REV3L: variants seen among roughly 807,000 people sequenced by gnomAD.
REV3L encodes REV3 like, DNA directed polymerase zeta catalytic subunit, also known as DNA polymerase zeta catalytic subunit.
In REV3L, 69 loss-of-function variants were observed where a neutral mutation model predicts 299.4. That is an observed-to-expected ratio of 0.23 (90% confidence interval 0.19 to 0.28). The LOEUF is 0.28. Ranked by LOEUF, REV3L falls within the 10% of genes least tolerant of loss-of-function variation. The pLI, the probability that REV3L is intolerant of heterozygous loss-of-function variation, is 1.00. For missense variants in REV3L, 3,128 were observed against 3,693.8 expected (o/e 0.85, Z 3.97); for synonymous variants, 1,238 against 1,271.4 (o/e 0.97, Z 0.56).
intron 1 of REV3L, among the ~76,000 whole-genome samples, chr6:111,478,235 T>C (rs1047607521): frequency 1.3e-5 from 2 of 152,234 alleles, no homozygotes; most frequent in African/African-American, 2.4e-5. Flanking sequence ...AATCCTTGCT[T>C]TGTCTTATAC....
chr6:111,464,572 G>A (rs1791192440), intron 1 of REV3L, among the ~76,000 whole-genome samples: 1 of 151,998 alleles, frequency 6.6e-6, no homozygotes, highest in Admixed American at 6.6e-5. Flanking sequence ...TAAAAAGACA[G>A]ACTTATATGC....
At chr6:111,312,100 G>C (rs980021780) in intron 28 of REV3L, 6 of 152,244 alleles carry the variant, frequency 3.9e-5, no homozygotes, top group Middle Eastern at 3.4e-3. Flanking sequence ...CACCGTGCCC[G>C]GCCAAGTAGA....
At chr6:111,453,897 A>C (rs13211844) in intron 1 of REV3L, among the ~76,000 whole-genome samples, 8,535 of 152,210 alleles carry the variant, frequency 0.056, 276 homozygotes, top group Middle Eastern at 0.085. Flanking sequence ...GAGGCAAAAG[A>C]ATGGCTTGAA....
chr6:111,419,226 A>C (rs937553735), intron 1 of REV3L, among the ~76,000 whole-genome samples: 2 of 152,214 alleles, frequency 1.3e-5, no homozygotes, highest in Non-Finnish European at 2.9e-5. Context: ...CCTGAAGAAC[A>C]ACCACAACAC....
intron 1 of REV3L, among the ~76,000 whole-genome samples, chr6:111,478,465 T>C (rs1200826518): frequency 1.3e-5 from 2 of 152,170 alleles, no homozygotes; most frequent in East Asian, 1.9e-4. Flanking sequence ...TCTCCAATAA[T>C]TGTAATCAAA....
At chr6:111,388,422 GCACT>G in intron 7 of REV3L, among the ~76,000 whole-genome samples, 1 of 151,886 alleles carries the variant, frequency 6.6e-6, no homozygotes, top group African/African-American at 2.4e-5. Context: ...AGTATAAAAG[GCACT>G]CAAAGTTTAT....
In REV3L at chr6:111,355,574, C is replaced by T. The variant is rs372128621; in HGVS notation, c.7184+1440G>A. On this transcript the variant is annotated intron_variant, in intron 18 of 31. Coordinates refer to ENST00000368802, the MANE Select transcript of REV3L (RefSeq NM_001372078.1). ...ACCCCATTTTCCTTAATTACTAGTACATTTCATTTTATGGACATTTAAGAA... is the reference window on the plus strand; with the variant it reads ...ACCCCATTTTCCTTAATTACTAGTATATTTCATTTTATGGACATTTAAGAA... Among the ~76,000 whole-genome samples, 8 of 152,204 alleles carry T rather than the reference C, an allele frequency of 5.3e-5. No individual in the cohort carries two copies. The South Asian group carries it at 1.0e-3, about 20-fold the overall frequency.
intron 21 of REV3L, among the ~76,000 whole-genome samples, chr6:111,342,312 T>C (rs1776575855): frequency 6.6e-6 from 1 of 151,992 alleles, no homozygotes; most frequent in Non-Finnish European, 1.5e-5. Flanking sequence ...CTGCCAGTGG[T>C]ACAAAGCAGA....
rs756969348 is a variant in REV3L, at chr6:111,372,890, A to T, written c.5465T>A (p.Leu1822His). The T allele has an allele frequency of 6.2e-7, 1 of 1,614,044 alleles. No individual in the cohort carries two copies. The highest frequency in any genetic ancestry group is 1.1e-5 in the South Asian group (1 of 91,078). The change falls in exon 13 of 32, where the codon CTC becomes CAC. Residue 1822 changes from leucine (L) to histidine (H), a missense_variant. Physicochemically the swap from Leu to His is moderately conservative, Grantham distance 99. Around this residue, in one of 9 missense-constraint regions of REV3L, gnomAD observed 2,409 missense variants for 2,611.8 expected, o/e 0.92. Coordinates refer to ENST00000368802, the MANE Select transcript of REV3L (RefSeq NM_001372078.1). ...DSANTSFTAILSSPDGELVDV... is the reference protein window; with the variant it reads ...DSANTSFTAIHSSPDGELVDV... ...TACAAGTTCACCATCAGGGGAGGAG[A>T]GTATTGCAGTAAAAGAGGTATTGGC...
chr6:111,431,818 A>G (rs1459859830), intron 1 of REV3L: 1 of 598,330 alleles, frequency 1.7e-6, no homozygotes, highest in Non-Finnish European at 3.0e-6. Context: ...TTATGTACAT[A>G]CTTTTTCATT....
intron 3 of REV3L, among the ~76,000 whole-genome samples, chr6:111,406,941 G>A (rs534529080): frequency 2.0e-5 from 3 of 152,154 alleles, no homozygotes; most frequent in East Asian, 1.9e-4. Context: ...TCTGTGGTAC[G>A]ATCATCTCCA....
Position 111,367,710 on chromosome 6 carries a change from C to G in REV3L, c.6078G>C (p.Lys2026Asn). 1.2e-6 allele frequency: 2 copies of G among 1,614,150 alleles called. No individual in the cohort carries two copies. The highest frequency in any genetic ancestry group is 1.6e-4 in the Middle Eastern group (1 of 6,062). ...CAGCAGATTTTACAACTCCAGTTGG[C>G]TTGGTTTTAGGCAGTTTCTTGGAAC... ...YERSKKLPKT[K>N]PTGVVKSAEN... The change falls in exon 14 of 32, where the codon AAG becomes AAC. Residue 2026 changes from lysine to asparagine, a missense_variant. This residue lies in a region of REV3L where 2,409 missense variants were observed against 2,611.8 expected (regional missense o/e 0.92). Coordinates refer to ENST00000368802, the MANE Select transcript of REV3L (RefSeq NM_001372078.1).
At chr6:111,355,264 T>C (rs762020666) in intron 18 of REV3L, among the ~76,000 whole-genome samples, 7 of 152,092 alleles carry the variant, frequency 4.6e-5, no homozygotes, top group Non-Finnish European at 7.4e-5. Flanking sequence ...CAGTTAACAT[T>C]TATGTACTCA....
At position 111,309,969 on chromosome 6, in the gene REV3L, G is replaced by T. The variant is rs143815049; in HGVS notation, c.8926C>A (p.Pro2976Thr). 1 of 1,613,870 alleles carries T rather than the reference G, an allele frequency of 6.2e-7. No individual in the cohort carries two copies. Among genetic ancestry groups the T allele is most frequent in the African/African-American group, 1.3e-5 (1 of 74,886 alleles). ...TAAGTAGCATTCAGTCTCAGAGTTG[G>T]GTCCTGCAGGACTTCCACTGGGCGC... ...VRRPVEVLQD[P>T]TLRLNATYYI... is the part of the protein sequence containing the mutation. The change falls in exon 30 of 32, where the codon CCA becomes ACA. Residue 2976 changes from proline to threonine, a missense_variant. Pro to Thr is a conservative substitution (Grantham distance 38). Around this residue, in one of 9 missense-constraint regions of REV3L, gnomAD observed 294 missense variants for 377.0 expected, o/e 0.78. Coordinates refer to ENST00000368802, the MANE Select transcript of REV3L (RefSeq NM_001372078.1).
intron 26 of REV3L, among the ~76,000 whole-genome samples, chr6:111,316,558 T>TGGGA (rs1773544944): frequency 6.6e-6 from 1 of 151,052 alleles, no homozygotes; most frequent in Non-Finnish European, 1.5e-5. Flanking sequence ...CCCAGTTACT[T>TGGGA]GGGAGGCTGA....
chr6:111,299,978 G>GAAA lies in REV3L; in HGVS notation c.*35_*37dup. The GAAA allele has an allele frequency of 6.3e-7, 1 of 1,587,762 alleles. No individual in the cohort carries two copies. The highest frequency in any genetic ancestry group is 2.3e-5 in the East Asian group (1 of 44,326). ...GCACAACAGTTTAGTGGTAAGCACT[G>GAAA]AAAAAAATAGCACCTGTAATACTGT... On this transcript the variant is annotated 3_prime_UTR_variant, in exon 32 of 32. Transcript: ENST00000368802.
chr6:111,402,727 A>G (rs896337968), intron 4 of REV3L, among the ~76,000 whole-genome samples: 1 of 152,178 alleles, frequency 6.6e-6, no homozygotes, highest in Non-Finnish European at 1.5e-5. Context: ...AGAGACAAAA[A>G]ATGCTAACCT....
chr6:111,429,002 G>A (rs1400100559), intron 1 of REV3L, among the ~76,000 whole-genome samples: 1 of 152,100 alleles, frequency 6.6e-6, no homozygotes, highest in Non-Finnish European at 1.5e-5. Context: ...AGTAAATGAT[G>A]TATACAAGTG....
intron 1 of REV3L, among the ~76,000 whole-genome samples, chr6:111,446,391 G>A (rs1788836704): frequency 6.6e-6 from 1 of 152,128 alleles, no homozygotes; most frequent in Non-Finnish European, 1.5e-5. Context: ...GGGATGAAGT[G>A]ACTTTAGTTA....
Sources: gnomAD v4.1 joint callset for allele counts (sites outside exome capture counted in the v4.1 genomes callset) on GRCh38, gnomAD v4.1.1 for gene constraint, gnomAD v4.1.1 regional missense constraint, MANE v1.5 for transcripts, NCBI Gene and HGNC (gene_info 2026-07-23, HGNC 2026-07-21) for gene names.